MYO10: variants seen among roughly 807,000 people sequenced by gnomAD.
MYO10 encodes the protein myosin X, also known as unconventional myosin-X.
MYO10 carries 133 observed loss-of-function variants against 257.3 expected under a neutral mutation model. That is an observed-to-expected ratio of 0.52 (90% confidence interval 0.45 to 0.60). The LOEUF (loss-of-function observed/expected upper bound fraction) is 0.60. Ranked by LOEUF, MYO10 falls within the 20% of genes least tolerant of loss-of-function variation. The probability of loss-of-function intolerance (pLI) is 0.00; values close to 1 mark genes in which losing one functional copy is unlikely to be tolerated. For missense variants in MYO10, 2,399 were observed against 2,635.7 expected (o/e 0.91, Z 1.97); for synonymous variants, 1,104 against 1,028.6 (o/e 1.07, Z -1.40).
At chr5:16,754,803 A>G (rs372344293) in intron 19 of MYO10, 25 bp downstream of exon 19, 1 of 1,547,614 alleles carries the variant, frequency 6.5e-7, no homozygotes, top group Non-Finnish European at 8.8e-7. Flanking sequence ...GACAGATCCC[A>G]GCCTAGGACT....
At chr5:16,698,934 G>A (rs1737896652) in intron 26 of MYO10, among the ~76,000 whole-genome samples, 1 of 152,100 alleles carries the variant, frequency 6.6e-6, no homozygotes, top group Non-Finnish European at 1.5e-5. Flanking sequence ...AGAACATGCA[G>A]TTTATCATGA....
intron 28 of MYO10, among the ~76,000 whole-genome samples, chr5:16,687,284 G>C (rs1246227778): frequency 6.6e-6 from 1 of 151,772 alleles, no homozygotes; most frequent in Non-Finnish European, 1.5e-5. Context: ...TTATTCCACT[G>C]CACTCCAGCC....
chr5:16,849,450 GAGAT>G (rs1290325731), intron 2 of MYO10, among the ~76,000 whole-genome samples: 1 of 152,194 alleles, frequency 6.6e-6, no homozygotes, highest in Non-Finnish European at 1.5e-5. Flanking sequence ...TTAGCAAAGA[GAGAT>G]AGAAGGGAAT....
At chr5:16,786,447 G>A (rs1741584271) in intron 4 of MYO10, among the ~76,000 whole-genome samples, 1 of 152,148 alleles carries the variant, frequency 6.6e-6, no homozygotes, top group Non-Finnish European at 1.5e-5. Flanking sequence ...GACGAGAAGT[G>A]TTTCTGATTT....
rs780136855 is a variant in MYO10 at position 16,711,042 on chromosome 5, A to G, written c.2055-20T>C. Reference sequence around the variant, plus strand: ...TTATACCTGCAACGTGAAGACACACAGGGTCACCTTCTGCGATGGTTCCCT... The same window carrying G: ...TTATACCTGCAACGTGAAGACACACGGGGTCACCTTCTGCGATGGTTCCCT... On this transcript the variant is annotated intron_variant, in intron 20 of 40. Transcript: ENST00000513610. 6.1e-5 allele frequency: 98 copies of G among 1,613,616 alleles called. No homozygotes were observed. The Middle Eastern group carries it at 9.9e-4, about 16-fold the overall frequency.
At chr5:16,798,481 G>T (rs1443968957) in intron 3 of MYO10, among the ~76,000 whole-genome samples, 2 of 148,996 alleles carry the variant, frequency 1.3e-5, no homozygotes, top group African/African-American at 2.6e-5. Flanking sequence ...AAAGATGGAA[G>T]TTGGAAAAAA....
intron 33 of MYO10, among the ~76,000 whole-genome samples, chr5:16,677,416 C>CATTTTTTTTTT (rs1736777988): frequency 8.4e-6 from 1 of 119,388 alleles, no homozygotes. Context: ...GTAACTTGAC[C>CATTTTTTTTTT]TTTTTTTTTT....
intron 19 of MYO10, among the ~76,000 whole-genome samples, chr5:16,729,417 C>CA (rs1257521774): frequency 6.6e-6 from 1 of 152,022 alleles, no homozygotes; most frequent in Non-Finnish European, 1.5e-5. Flanking sequence ...TCTCTACCTT[C>CA]ACCCCTTCCA....
chr5:16,872,355 C>A lies in MYO10; in HGVS notation c.120+5254G>T, dbSNP rs115488023. ...TTTAAAGTAATCAAAGTCATAGGAACAGAAAGAAGAGCAGTTACCAAGGGC... is the reference window on the plus strand; with the variant it reads ...TTTAAAGTAATCAAAGTCATAGGAAAAGAAAGAAGAGCAGTTACCAAGGGC... On this transcript the variant is annotated intron_variant, in intron 2 of 40. Transcript: ENST00000513610. 3.0e-3 allele frequency among the ~76,000 whole-genome samples: 460 copies of A among 152,230 alleles called. 6 individuals are homozygous for A. The highest frequency in any genetic ancestry group is 0.011 in the African/African-American group (447 of 41,544).
At chr5:16,668,668 C>A (rs796933474) in intron 39 of MYO10, among the ~76,000 whole-genome samples, 200 bp from the exon 40 acceptor site, 7 of 152,304 alleles carry the variant, frequency 4.6e-5, no homozygotes, top group Non-Finnish European at 1.0e-4. Flanking sequence ...GTTAATCTCA[C>A]GCTTTTGGGA....
intron 1 of MYO10, among the ~76,000 whole-genome samples, chr5:16,897,852 A>G (rs1418530043): frequency 6.6e-6 from 1 of 152,240 alleles, no homozygotes; most frequent in Non-Finnish European, 1.5e-5. Context: ...GCAACAGCAA[A>G]CAATGCCTAA....
intron 19 of MYO10, among the ~76,000 whole-genome samples, chr5:16,716,637 CA>C (rs1482231243): frequency 6.6e-6 from 1 of 151,590 alleles, no homozygotes; most frequent in Non-Finnish European, 1.5e-5. Context: ...TGTTTTTCAG[CA>C]TTTGAGAAAC....
chr5:16,904,616 C>T (rs1327116742), intron 1 of MYO10, among the ~76,000 whole-genome samples: 1 of 152,192 alleles, frequency 6.6e-6, no homozygotes, highest in Non-Finnish European at 1.5e-5. Context: ...ACCCCTCACC[C>T]CACAACATCT....
intron 3 of MYO10, among the ~76,000 whole-genome samples, chr5:16,797,407 A>C (rs955241575): frequency 2.0e-5 from 3 of 152,250 alleles, no homozygotes; most frequent in Admixed American, 6.5e-5. Flanking sequence ...AATAATATGA[A>C]GCAAAAGATT....
At chr5:16,837,936 T>G (rs1369509796) in intron 2 of MYO10, among the ~76,000 whole-genome samples, 1 of 152,200 alleles carries the variant, frequency 6.6e-6, no homozygotes, top group African/African-American at 2.4e-5. Context: ...TTATAATATT[T>G]GATCTTTGAT....
At chr5:16,852,852 G>C (rs928892151) in intron 2 of MYO10, among the ~76,000 whole-genome samples, 1 of 152,092 alleles carries the variant, frequency 6.6e-6, no homozygotes, top group African/African-American at 2.4e-5. Flanking sequence ...GAATTAAAAT[G>C]CCCCACATAA....
rs199558733 is a variant in MYO10, at chr5:16,912,989, A to C, written c.21+22799T>G. Among the ~76,000 whole-genome samples, 3 of 1,256 alleles carry C rather than the reference A, an allele frequency of 2.4e-3. No individual in the cohort carries two copies. In the African/African-American group the frequency reaches 0.037, roughly 15 times the overall value. 0.8% of individuals were successfully genotyped at this position (1,256 alleles called of 152,430 possible). ...GAACGCAAGGATATTGTTTATTCCC[A>C]AAAAAAAAAAAAAAGCCAATTCTAT... On this transcript the variant is annotated intron_variant, in intron 1 of 40. Coordinates refer to ENST00000513610, the MANE Select transcript of MYO10 (RefSeq NM_012334.3).
intron 1 of MYO10, chr5:16,902,534 G>C (rs1267175709): frequency 6.3e-7 from 1 of 1,581,958 alleles, no homozygotes. Flanking sequence ...CGAATTTCTT[G>C]ATGGCCTTGT....
chr5:16,865,982 A>G (rs1744234094), intron 2 of MYO10, among the ~76,000 whole-genome samples: 1 of 151,032 alleles, frequency 6.6e-6, no homozygotes, highest in African/African-American at 2.5e-5. Context: ...TTAAAATTAA[A>G]TGGTAAGTTT....
Sources: gnomAD v4.1 joint callset for allele counts (sites outside exome capture counted in the v4.1 genomes callset) on GRCh38, gnomAD v4.1.1 for gene constraint, MANE v1.5 for transcripts, NCBI Gene and HGNC (gene_info 2026-07-23, HGNC 2026-07-21) for gene names.